Variants in IRF5 observed in about 807,000 individuals in gnomAD.
IRF5 encodes interferon regulatory factor 5.
A neutral mutation model predicts 55.1 loss-of-function variants in IRF5; 24 were observed. That is an observed-to-expected ratio of 0.44 (90% CI 0.32 to 0.61). IRF5 has a LOEUF of 0.61. Among genes scored for constraint, IRF5 ranks in the 20% least tolerant of loss-of-function variants. The pLI is 0.07. For missense variants in IRF5, 499 were observed against 658.5 expected, an observed-to-expected ratio of 0.76 and a Z score of 2.65; for synonymous variants, 258 against 260.2, an observed-to-expected ratio of 0.99 and a Z score of 0.08.
Position 128,946,314 on chromosome 7 carries a change from A to G in IRF5, c.386-187A>G, listed in dbSNP as rs983051884. Among the ~76,000 whole-genome samples the G allele has an allele frequency of 2.0e-5, 3 of 152,160 alleles. No individual in the cohort carries two copies. The highest frequency in any genetic ancestry group is 4.4e-5 in the Non-Finnish European group (3 of 68,008). ...GGCTTCTGGCTCCAGCCTAGGTCTC[A>G]TGGCCCATGGAGTCGGGGAGGTCTT... On this transcript the variant is annotated intron_variant, in intron 3 of 8. Coordinates refer to ENST00000357234, the MANE Select transcript of IRF5 (RefSeq NM_001098629.3). The surrounding 1 kb of genome is among the most constrained non-coding windows in gnomAD (Gnocchi z 4.2).
chr7:128,942,654 CG>C (rs1192683884), intron 2 of IRF5, among the ~76,000 whole-genome samples: 1 of 152,030 alleles, frequency 6.6e-6, no homozygotes, highest in Non-Finnish European at 1.5e-5. Context: ...CCTAGAGCAT[CG>C]TGGGGACTGA....
Position 128,948,105 on chromosome 7 carries a change from G to C in IRF5, c.1164G>C (p.Leu388=). ...AGGTCAAGACCAAGCTTTTCAGCCT[G>C]GAGCATTTTCTCAATGGTGAGGGCC... The part of the protein sequence containing the change: ...QREVKTKLFS[L]EHFLNELILF... Residue 388 remains leucine (L), a synonymous_variant, in exon 7 of 9, where the codon CTG becomes CTC. Coordinates refer to ENST00000357234, the MANE Select transcript of IRF5 (RefSeq NM_001098629.3). This position sits in a 1 kb window ranked among gnomAD's most constrained non-coding sequence, Gnocchi z 4.6. 2.5e-6 allele frequency: 4 copies of C among 1,613,918 alleles called. No homozygotes were observed. The highest frequency in any genetic ancestry group is 3.4e-6 in the Non-Finnish European group (4 of 1,179,814).
chr7:128,945,506 C>CG (rs1563074767), intron 2 of IRF5, among the ~76,000 whole-genome samples: 1 of 152,274 alleles, frequency 6.6e-6, no homozygotes, highest in East Asian at 1.9e-4. Context: ...ACACAGCTGG[C>CG]GGGGGGCACT....
intron 2 of IRF5, among the ~76,000 whole-genome samples, chr7:128,942,543 C>T (rs1796086775): frequency 6.6e-6 from 1 of 151,980 alleles, no homozygotes; most frequent in East Asian, 1.9e-4. Context: ...ACCTCTGCCT[C>T]CTGGGTTCAA....
intron 1 of IRF5, among the ~76,000 whole-genome samples, chr7:128,941,617 G>A (rs1365240031): frequency 6.6e-6 from 1 of 152,186 alleles, no homozygotes; most frequent in Non-Finnish European, 1.5e-5. Flanking sequence ...GCAGGAGGCT[G>A]TCTTCGGGCT....
At chr7:128,939,325 CT>C (rs1354439909) in intron 1 of IRF5, among the ~76,000 whole-genome samples, 4 of 152,128 alleles carry the variant, frequency 2.6e-5, no homozygotes, top group Non-Finnish European at 5.9e-5. Context: ...GGTTTTTCCC[CT>C]GTACCCTGGT....
chr7:128,942,078 T>G lies in IRF5; in HGVS notation c.-4T>G. On this transcript the variant is annotated 5_prime_UTR_variant, in exon 2 of 9. Coordinates refer to ENST00000357234, the MANE Select transcript of IRF5 (RefSeq NM_001098629.3). ...TCTGGCTTTCTCCTGCAGACCCCTC[T>G]GCCATGAACCAGTCCATCCCAGTGG... The G allele has an allele frequency of 5.0e-6, 8 of 1,599,618 alleles. No homozygotes were observed. The highest frequency in any genetic ancestry group is 6.8e-6 in the Non-Finnish European group (8 of 1,172,708).
In IRF5 at chr7:128,947,880, G is replaced by T. The variant is rs752273455; in HGVS notation, c.939G>T (p.Val313=). 7.4e-6 allele frequency: 12 copies of T among 1,613,932 alleles called. No homozygotes were observed. Among genetic ancestry groups the T allele is most frequent in the Non-Finnish European group, 1.0e-5 (12 of 1,180,014 alleles). Reference sequence around the variant, plus strand: ...TCGGCCCCATAAGCCTGGAGCAAGTGCGCTTCCCCAGCCCTGAGGACATCC... The same window carrying T: ...TCGGCCCCATAAGCCTGGAGCAAGTTCGCTTCCCCAGCCCTGAGGACATCC... ...ELFGPISLEQ[V]RFPSPEDIPS... The change falls in exon 7 of 9, where the codon GTG becomes GTT. Residue 313 remains valine (V), a synonymous_variant. Coordinates refer to ENST00000357234, the MANE Select transcript of IRF5 (RefSeq NM_001098629.3). This position sits in a 1 kb window ranked among gnomAD's most constrained non-coding sequence, Gnocchi z 6.5.
chr7:128,946,760 GTGTGTGACCCA>G lies in IRF5; in HGVS notation c.447+199_447+209del, dbSNP rs961519941. 1.3e-5 allele frequency: 8 copies of G among 635,194 alleles called. No individual in the cohort carries two copies. The African/African-American group carries it at 1.3e-4, about 10-fold the overall frequency. 39.3% of individuals were successfully genotyped at this position (635,194 alleles called of 1,614,324 possible). A position where few individuals can be genotyped will look rare whatever the true frequency, so the allele number is the denominator to read the frequency against. On this transcript the variant is annotated intron_variant, in intron 4 of 8. Transcript: ENST00000357234. The surrounding 1 kb of genome is among the most constrained non-coding windows in gnomAD (Gnocchi z 4.2). ...TCCCAGGGCATTGTCATTACCCTGT[GTGTGTGACCCA>G]CGCAGCAGTTGGGGCTTGGTAGGTC... is the stretch of plus-strand genomic sequence containing the variant.
Position 128,945,925 on chromosome 7 carries a change from T to C in IRF5, c.276T>C (p.Cys92=), listed in dbSNP as rs1293458026. The C allele has an allele frequency of 6.2e-7, 1 of 1,613,660 alleles. No individual in the cohort carries two copies. Among genetic ancestry groups the C allele is most frequent in the South Asian group, 1.1e-5 (1 of 91,064 alleles). The change falls in exon 3 of 9, where the codon TGT becomes TGC. Residue 92 remains cysteine, a synonymous_variant. Coordinates refer to ENST00000357234, the MANE Select transcript of IRF5 (RefSeq NM_001098629.3). ...DPAKWKANLR[C]ALNKSRDFRL... ...CCAAGTGGAAGGCCAACCTGCGCTG[T>C]GCCCTTAACAAGAGCCGGGACTTCC...
chr7:128,943,023 ATTTTT>A (rs34539872), intron 2 of IRF5: 16 of 86,924 alleles, frequency 1.8e-4, no homozygotes, highest in African/African-American at 6.5e-4. Flanking sequence ...CCAGATTCCA[ATTTTT>A]TTTTTTTTTT....
chr7:128,948,001 C>A lies in IRF5; in HGVS notation c.1060C>A (p.Arg354Ser), dbSNP rs767365191. Reference sequence around the variant, plus strand: ...ACAGGGCCAGGACCTTTATGCCATCCGCCTGTGTCAGTGCAAGGTGTTCTG... The same window carrying A: ...ACAGGGCCAGGACCTTTATGCCATCAGCCTGTGTCAGTGCAAGGTGTTCTG... ...QLQGQDLYAIRLCQCKVFWSG... is the reference protein window; with the variant it reads ...QLQGQDLYAISLCQCKVFWSG... Residue 354 changes from arginine (R) to serine (S), a missense_variant, in exon 7 of 9, where the codon CGC becomes AGC. Physicochemically the swap from Arg to Ser is moderately radical, Grantham distance 110 (BLOSUM62 -1). Transcript: ENST00000357234. This position sits in a 1 kb window ranked among gnomAD's most constrained non-coding sequence, Gnocchi z 4.6. The A allele has an allele frequency of 1.2e-6, 2 of 1,614,176 alleles. No homozygotes were observed. Among genetic ancestry groups the A allele is most frequent in the Non-Finnish European group, 1.7e-6 (2 of 1,180,024 alleles).
intron 2 of IRF5, chr7:128,943,167 TG>T: frequency 8.6e-6 from 2 of 233,324 alleles, no homozygotes; most frequent in Non-Finnish European, 1.8e-5. Context: ...CTTGAGTAGC[TG>T]GGATTACAGG....
At position 128,946,780 on chromosome 7, in the gene IRF5, T is replaced by C. The variant is rs924251282; in HGVS notation, c.447+218T>C. 39 of 639,866 alleles carry C rather than the reference T, an allele frequency of 6.1e-5. No individual in the cohort carries two copies. The highest frequency in any genetic ancestry group is 4.9e-4 in the African/African-American group (27 of 55,050). The allele number at this position is 639,866 out of a possible 1,614,324, so 39.6% of individuals were successfully genotyped here. ...CCTGTGTGTGTGACCCACGCAGCAG[T>C]TGGGGCTTGGTAGGTCTGACTCCCT... is the stretch of plus-strand genomic sequence containing the variant. On this transcript the variant is annotated intron_variant, in intron 4 of 8. Coordinates refer to ENST00000357234, the MANE Select transcript of IRF5 (RefSeq NM_001098629.3). The surrounding 1 kb of genome is among the most constrained non-coding windows in gnomAD (Gnocchi z 4.2).
At chr7:128,944,515 C>T (rs1205088204) in intron 2 of IRF5, among the ~76,000 whole-genome samples, 1 of 152,112 alleles carries the variant, frequency 6.6e-6, no homozygotes, top group Non-Finnish European at 1.5e-5. Context: ...CAAAATTCAA[C>T]ATTAAAAGGC....
chr7:128,937,283 T>C (rs889247988), upstream of IRF5, among the ~76,000 whole-genome samples: 5 of 151,696 alleles, frequency 3.3e-5, no homozygotes, highest in African/African-American at 1.2e-4. Context: ...AAGGTGGAGG[T>C]TCTGGGGTGA....
At chr7:128,939,879 C>T (rs1484250349) in intron 1 of IRF5, among the ~76,000 whole-genome samples, 3 of 152,222 alleles carry the variant, frequency 2.0e-5, no homozygotes, top group African/African-American at 4.8e-5. Context: ...CCAGAGACTC[C>T]GGAGCCTGGC....
intron 1 of IRF5, among the ~76,000 whole-genome samples, chr7:128,939,670 TG>T (rs1489958738): frequency 6.6e-6 from 1 of 152,214 alleles, no homozygotes; most frequent in South Asian, 2.1e-4. Flanking sequence ...TGGGTGGTGG[TG>T]GGGGCACTGT....
At chr7:128,942,016 C>T in intron 1 of IRF5, 55 bp from the exon 2 acceptor site, 2 of 1,401,808 alleles carry the variant, frequency 1.4e-6, no homozygotes, top group Non-Finnish European at 2.0e-6. Flanking sequence ...TCTGAGTACC[C>T]TGTCCCCATC....
Sources: gnomAD v4.1 joint callset for allele counts (sites outside exome capture counted in the v4.1 genomes callset) on GRCh38, gnomAD v4.1.1 for gene constraint, Gnocchi (gnomAD v3.1) non-coding constraint, MANE v1.5 for transcripts, NCBI Gene and HGNC (gene_info 2026-07-23, HGNC 2026-07-21) for gene names.